Variants in WDR33 observed in about 807,000 individuals in gnomAD.
WDR33 encodes pre-mRNA 3' end processing protein WDR33.
In WDR33, 47 loss-of-function variants were observed where a neutral mutation model predicts 164.9. The observed-to-expected ratio is 0.29, with a 90% confidence interval of 0.23 to 0.36. WDR33 has a LOEUF of 0.36. Among genes scored for constraint, WDR33 ranks in the 10% least tolerant of loss-of-function variants. The pLI is 1.00. For missense variants in WDR33, 1,137 were observed against 1,754.1 expected (o/e 0.65, Z 6.28); for synonymous variants, 505 against 589.0 (o/e 0.86, Z 2.06).
chr2:127,807,140 G>A (rs992232762), intron 1 of WDR33, among the ~76,000 whole-genome samples: 4 of 152,156 alleles, frequency 2.6e-5, no homozygotes, highest in African/African-American at 4.8e-5. Context: ...AAGTAGCTGG[G>A]ATTACAGGAA....
At chr2:127,752,222 C>A (rs1687388259) in intron 7 of WDR33, among the ~76,000 whole-genome samples, 1 of 152,186 alleles carries the variant, frequency 6.6e-6, no homozygotes, top group Non-Finnish European at 1.5e-5. Context: ...GGGATTAATT[C>A]TTGTGCTTAA....
At chr2:127,747,886 T>C (rs773558066) in intron 7 of WDR33, among the ~76,000 whole-genome samples, 8 of 152,184 alleles carry the variant, frequency 5.3e-5, no homozygotes, top group Non-Finnish European at 1.0e-4. Flanking sequence ...TTGGTGTTAC[T>C]ACAAACTGTT....
intron 7 of WDR33, among the ~76,000 whole-genome samples, chr2:127,733,881 A>C (rs565268266): frequency 2.6e-5 from 4 of 152,342 alleles, no homozygotes; most frequent in South Asian, 4.1e-4. Context: ...AGAACTATCC[A>C]GCCCTCTAAC....
chr2:127,706,573 C>A lies in WDR33; in HGVS notation c.3782-21G>T. On this transcript the variant is annotated intron_variant, in intron 21 of 21. Transcript: ENST00000322313. The surrounding 1 kb of genome is among the most constrained non-coding windows in gnomAD (Gnocchi z 5.1). The stretch of plus-strand genomic sequence containing the variant: ...TCGGCCTGAAACAAAGAAAATTTCA[C>A]ATGGGACTTTTTGTATTAGCAACTG... The A allele has an allele frequency of 6.3e-7, 1 of 1,583,378 alleles. No individual in the cohort carries two copies. The highest frequency in any genetic ancestry group is 8.6e-7 in the Non-Finnish European group (1 of 1,168,164).
intron 7 of WDR33, among the ~76,000 whole-genome samples, chr2:127,727,797 C>T (rs571357420): frequency 6.6e-6 from 1 of 152,300 alleles, no homozygotes; most frequent in African/African-American, 2.4e-5. Flanking sequence ...ACATTCAGAG[C>T]TTCCTTCTCT....
At position 127,702,563 on chromosome 2, in the gene WDR33, A is replaced by C. The variant is rs1007982715; in HGVS notation, c.*3760T>G. The C allele has an allele frequency of 5.9e-6, 1 of 169,714 alleles. No individual in the cohort carries two copies. The highest frequency in any genetic ancestry group is 2.4e-5 in the African/African-American group (1 of 41,578). 10.5% of individuals were successfully genotyped at this position (169,714 alleles called of 1,614,324 possible). ...TTCTCAGGCTGTTTTGTCATTTTAA[A>C]ATCCAGTGGTAGATGTAGCTTAGCG... On this transcript the variant is annotated 3_prime_UTR_variant, in exon 22 of 22. Transcript: ENST00000322313.
At chr2:127,798,141 G>T (rs1256337005) in intron 1 of WDR33, among the ~76,000 whole-genome samples, 1 of 151,898 alleles carries the variant, frequency 6.6e-6, no homozygotes, top group Non-Finnish European at 1.5e-5. Flanking sequence ...GCCGAGGCAG[G>T]TGGATCACCT....
At chr2:127,715,979 G>C (rs1415845552) in intron 17 of WDR33, among the ~76,000 whole-genome samples, 2 of 152,134 alleles carry the variant, frequency 1.3e-5, no homozygotes, top group African/African-American at 2.4e-5. Flanking sequence ...GCAAGGATGA[G>C]AGGGAAGGAG....
In WDR33 at chr2:127,713,120, G is replaced by A. The variant is rs1306427006; in HGVS notation, c.3308+463C>T. Among the ~76,000 whole-genome samples the A allele has an allele frequency of 6.6e-6, 1 of 152,216 alleles. No individual in the cohort carries two copies. Among genetic ancestry groups the A allele is most frequent in the Non-Finnish European group, 1.5e-5 (1 of 68,044 alleles). On this transcript the variant is annotated intron_variant, in intron 18 of 21. Transcript: ENST00000322313. This position sits in a 1 kb window ranked among gnomAD's most constrained non-coding sequence, Gnocchi z 6.2. ...AAACTCCCCAAGAATGCTGAGATGAGTGTTCAAGCCTGATCTAAGTTTAAC... is the reference window on the plus strand; with the variant it reads ...AAACTCCCCAAGAATGCTGAGATGAATGTTCAAGCCTGATCTAAGTTTAAC...
intron 1 of WDR33, among the ~76,000 whole-genome samples, chr2:127,771,260 T>C (rs969684246): frequency 2.0e-5 from 3 of 152,202 alleles, no homozygotes; most frequent in African/African-American, 4.8e-5. Flanking sequence ...TACAGCCTAC[T>C]ACACACGTAG....
intron 1 of WDR33, among the ~76,000 whole-genome samples, chr2:127,800,589 A>G (rs559925253): frequency 3.3e-5 from 5 of 149,532 alleles, no homozygotes; most frequent in African/African-American, 7.4e-5. Flanking sequence ...GTGAGCTGAG[A>G]TCGCATCACT....
chr2:127,808,609 T>C (rs1573495506), intron 1 of WDR33, among the ~76,000 whole-genome samples: 2 of 152,290 alleles, frequency 1.3e-5, no homozygotes, highest in South Asian at 4.1e-4. Context: ...GAAAAATCAT[T>C]TTCAGCAGAG....
intron 1 of WDR33, among the ~76,000 whole-genome samples, chr2:127,807,450 A>G (rs192468636): frequency 6.6e-6 from 1 of 152,216 alleles, no homozygotes; most frequent in South Asian, 2.1e-4. Flanking sequence ...ACAGTTTTGC[A>G]CGTATCATCC....
chr2:127,711,764 A>ATTTTTTTTTTTTTT (rs1206674701), intron 18 of WDR33, among the ~76,000 whole-genome samples: 2 of 74,644 alleles, frequency 2.7e-5, no homozygotes, highest in African/African-American at 2.5e-4. Flanking sequence ...ATATATATAT[A>ATTTTTTTTTTTTTT]TATATATATA....
At position 127,719,083 on chromosome 2, in the gene WDR33, A is replaced by T. The variant is rs542145529; in HGVS notation, c.2760+182T>A. On this transcript the variant is annotated intron_variant, in intron 16 of 21. Coordinates refer to ENST00000322313, the MANE Select transcript of WDR33 (RefSeq NM_018383.5). This position sits in a 1 kb window ranked among gnomAD's most constrained non-coding sequence, Gnocchi z 6.5. ...ATACTGAGATGTACTTAATGGGAGT[A>T]TAACCTAACTCATCATTCTTATGAT... 6.0e-4 allele frequency among the ~76,000 whole-genome samples: 91 copies of T among 152,378 alleles called. No individual in the cohort carries two copies. Among genetic ancestry groups the T allele is most frequent in the African/African-American group, 2.1e-3 (86 of 41,594 alleles).
At chr2:127,725,022 G>C in intron 9 of WDR33, 39 bp downstream of exon 9, 2 of 1,614,132 alleles carry the variant, frequency 1.2e-6, no homozygotes, top group South Asian at 2.2e-5. Flanking sequence ...AATGTTACAG[G>C]TAACAGTGGT....
At chr2:127,762,773 A>G in intron 7 of WDR33, 1 of 1,152,638 alleles carries the variant, frequency 8.7e-7, no homozygotes, top group Non-Finnish European at 1.1e-6. Context: ...GGCTACAAGG[A>G]AGGAAAAGGA....
rs1687976772 is a variant in WDR33, at chr2:127,770,763, A to G, written c.204+15T>C. ...ACCAAAGTTTGGTCATCTGAAGCAC[A>G]TAAATCAGGCTTACCTCCAAATACT... is the stretch of plus-strand genomic sequence containing the variant. On this transcript the variant is annotated intron_variant, in intron 2 of 21. Transcript: ENST00000322313. The surrounding 1 kb of genome is among the most constrained non-coding windows in gnomAD (Gnocchi z 4.9). 7 of 1,584,312 alleles carry G rather than the reference A, an allele frequency of 4.4e-6. No individual in the cohort carries two copies. The South Asian group carries it at 7.0e-5, about 16-fold the overall frequency.
intron 1 of WDR33, among the ~76,000 whole-genome samples, chr2:127,787,705 G>C (rs1161612577): frequency 2.4e-4 from 23 of 95,368 alleles, no homozygotes; most frequent in Non-Finnish European, 3.2e-4. Flanking sequence ...GGCTGGCCGG[G>C]CGGGGGGCTG....
Sources: gnomAD v4.1 joint callset for allele counts (sites outside exome capture counted in the v4.1 genomes callset) on GRCh38, gnomAD v4.1.1 for gene constraint, Gnocchi (gnomAD v3.1) non-coding constraint, MANE v1.5 for transcripts, NCBI Gene and HGNC (gene_info 2026-07-23, HGNC 2026-07-21) for gene names.